CIMIP2A: variants seen among roughly 807,000 people sequenced by gnomAD.
The protein encoded by CIMIP2A is family with sequence similarity 166 member A.
the CIMIP2A span, chr9:137,252,307 TG>T: frequency 7.6e-7 from 1 of 1,317,394 alleles, no homozygotes; most frequent in Non-Finnish European, 1.1e-6. Flanking sequence ...GGGCTAGGGC[TG>T]GGGCATGGGT....
chr9:137,249,503 C>A, the CIMIP2A span, among the ~76,000 whole-genome samples: 1 of 152,102 alleles, frequency 6.6e-6, no homozygotes, highest in African/African-American at 2.4e-5. Context: ...GTGGGTGATG[C>A]TTGGGGGGTG....
the CIMIP2A span, chr9:137,244,685 C>G: frequency 1.2e-6 from 2 of 1,613,792 alleles, no homozygotes; most frequent in South Asian, 1.1e-5. Flanking sequence ...GACGCCGTCT[C>G]GGTAATTCAA....
the CIMIP2A span, chr9:137,244,958 C>A: frequency 1.3e-5 from 21 of 1,603,322 alleles, no homozygotes; most frequent in Non-Finnish European, 1.8e-5. Context: ...AGAGGAGGTC[C>A]CCCCAGGCCG....
the CIMIP2A span, among the ~76,000 whole-genome samples, chr9:137,247,273 G>T: frequency 7.4e-3 from 1,131 of 152,322 alleles, 10 homozygotes; most frequent in African/African-American, 0.026. Context: ...TAATAAGAGC[G>T]AAACTCTGTC....
At chr9:137,249,017 GGT>G in the CIMIP2A span, among the ~76,000 whole-genome samples, 4 of 149,832 alleles carry the variant, frequency 2.7e-5, no homozygotes, top group African/African-American at 9.8e-5. Flanking sequence ...AGACTAATAT[GGT>G]TTTTTTTTTT....
At chr9:137,252,169 G>A in the CIMIP2A span, 14 of 1,586,486 alleles carry the variant, frequency 8.8e-6, no homozygotes, top group Non-Finnish European at 1.2e-5. Flanking sequence ...CAACCACCGG[G>A]CCTGTCCCTC....
At chr9:137,253,145 T>G in the CIMIP2A span, 1 of 1,592,770 alleles carries the variant, frequency 6.3e-7, no homozygotes, top group Non-Finnish European at 8.6e-7. Flanking sequence ...GCCTACCACG[T>G]GGAGGACTGC....
the CIMIP2A span, chr9:137,244,955 GT>G: frequency 6.2e-7 from 1 of 1,602,988 alleles, no homozygotes; most frequent in Non-Finnish European, 8.5e-7. Context: ...GGCAGAGGAG[GT>G]CCCCCCAGGC....
At chr9:137,244,860 G>A in the CIMIP2A span, 14 of 1,564,826 alleles carry the variant, frequency 8.9e-6, no homozygotes, top group South Asian at 3.5e-5. Flanking sequence ...GAACGTTGGC[G>A]ACTGTCTGAT....
At chr9:137,244,480 G>T in the CIMIP2A span, 3 of 1,495,174 alleles carry the variant, frequency 2.0e-6, no homozygotes, top group African/African-American at 4.2e-5. Context: ...CAGGAGAGAG[G>T]GGTTGGGGCG....
the CIMIP2A span, chr9:137,251,611 G>C: frequency 8.2e-7 from 1 of 1,217,960 alleles, no homozygotes; most frequent in Non-Finnish European, 1.1e-6. Flanking sequence ...GGACAGTGTG[G>C]GGACAGGCTG....
the CIMIP2A span, chr9:137,251,240 T>A: frequency 6.3e-6 from 8 of 1,278,836 alleles, no homozygotes; most frequent in African/African-American, 7.3e-5. Flanking sequence ...ACCAGTGAGG[T>A]CACAGAGCTC....
chr9:137,254,118 A>G, the CIMIP2A span, among the ~76,000 whole-genome samples: 1 of 152,080 alleles, frequency 6.6e-6, no homozygotes, highest in African/African-American at 2.4e-5. Flanking sequence ...GCACCTCCCC[A>G]GGTCCTCCCC....
At chr9:137,247,886 CTG>C in the CIMIP2A span, 1 of 653,080 alleles carries the variant, frequency 1.5e-6, no homozygotes, top group Middle Eastern at 2.6e-4. Flanking sequence ...AGGTGAGACA[CTG>C]AGGCCCAGAC....
At chr9:137,244,328 C>A in the CIMIP2A span, 2 of 1,611,680 alleles carry the variant, frequency 1.2e-6, no homozygotes, top group Admixed American at 3.3e-5. Flanking sequence ...CCCTCCCCGG[C>A]AGGCAAACAG....
chr9:137,252,129 G>A, the CIMIP2A span: 1 of 1,609,038 alleles, frequency 6.2e-7, no homozygotes, highest in Non-Finnish European at 8.5e-7. Flanking sequence ...CAAGCACCAG[G>A]GCCGAGGTGT....
At chr9:137,248,101 G>A in the CIMIP2A span, among the ~76,000 whole-genome samples, 1 of 152,254 alleles carries the variant, frequency 6.6e-6, no homozygotes, top group Non-Finnish European at 1.5e-5. Flanking sequence ...TGCAGCTGCA[G>A]AGCCTTGGCT....
the CIMIP2A span, among the ~76,000 whole-genome samples, chr9:137,248,542 CAA>C: frequency 0.65 from 71,478 of 109,346 alleles, 22,186 homozygotes; most frequent in Admixed American, 0.74. Context: ...GACTCTGTCT[CAA>C]AAAAAAAAAA....
the CIMIP2A span, chr9:137,251,215 G>A: frequency 3.7e-6 from 4 of 1,085,096 alleles, no homozygotes; most frequent in South Asian, 1.2e-5. Flanking sequence ...AGGAGTCCCA[G>A]CAACAGAGGG....
Sources: gnomAD v4.1 joint callset for allele counts (sites outside exome capture counted in the v4.1 genomes callset) on GRCh38, gnomAD v4.1.1 for gene constraint, MANE v1.5 for transcripts, NCBI Gene and HGNC (gene_info 2026-07-23, HGNC 2026-07-21) for gene names.